The following ZEB2 variants were observed in gnomAD, a reference collection of about 807,000 sequenced individuals.
ZEB2 encodes the protein zinc finger E-box-binding homeobox 2.
ZEB2 carries 6 observed loss-of-function variants against 99.9 expected under a neutral mutation model. The ratio of observed to expected loss-of-function variants is 0.06; its 90% CI spans 0.03 to 0.12. The LOEUF is 0.12. Ranked by LOEUF, ZEB2 falls within the 10% of genes least tolerant of loss-of-function variation. The pLI, the probability that ZEB2 is intolerant of heterozygous loss-of-function variation, is 1.00. For synonymous variants in ZEB2, 517 were observed against 542.5 expected (o/e 0.95, Z 0.65); for missense variants, 969 against 1,502.8 (o/e 0.64, Z 5.87).
At chr2:144,395,087 T>C (rs1444961957) in intron 9 of ZEB2, among the ~76,000 whole-genome samples, 1 of 149,920 alleles carries the variant, frequency 6.7e-6, no homozygotes, top group African/African-American at 2.5e-5. Flanking sequence ...CATCGACCTC[T>C]TGGGCTCAAG....
intron 4 of ZEB2, among the ~76,000 whole-genome samples, chr2:144,411,150 G>A (rs370436057): frequency 2.6e-4 from 20 of 75,678 alleles, no homozygotes; most frequent in Admixed American, 6.1e-4. Flanking sequence ...ACACACACAC[G>A]CTTCCCCAGT....
chr2:144,424,044 G>C (rs575951305), intron 4 of ZEB2, among the ~76,000 whole-genome samples: 6 of 152,266 alleles, frequency 3.9e-5, no homozygotes, highest in Admixed American at 1.3e-4. Context: ...TCTAGGAAAA[G>C]AGAGATGGAA....
chr2:144,396,407 C>T lies in ZEB2; in HGVS notation c.3067+5G>A, dbSNP rs752526550. On this transcript the variant is annotated splice_donor_5th_base_variant and intron_variant, in intron 9 of 9. Transcript: ENST00000627532. ...CTCTAACCAGTTAGGCAAAGTCACT[C>T]ATACCTGTGTGTTCGTATTTATGTC... 1.2e-6 allele frequency: 2 copies of T among 1,612,934 alleles called. No individual in the cohort carries two copies. Among genetic ancestry groups the T allele is most frequent in the South Asian group, 1.1e-5 (1 of 91,022 alleles).
intron 2 of ZEB2, chr2:144,513,871 C>T: frequency 6.5e-7 from 1 of 1,529,938 alleles, no homozygotes; most frequent in Non-Finnish European, 8.8e-7. Flanking sequence ...TCTCCAGCGT[C>T]AGTGAAAGTG....
chr2:144,485,288 T>C (rs1704578057), intron 2 of ZEB2, among the ~76,000 whole-genome samples: 1 of 152,188 alleles, frequency 6.6e-6, no homozygotes, highest in Admixed American at 6.5e-5. Context: ...TAAATATAAA[T>C]GCCAGATTAT....
chr2:144,470,901 T>C (rs760021666), intron 2 of ZEB2, among the ~76,000 whole-genome samples: 2 of 152,190 alleles, frequency 1.3e-5, no homozygotes, highest in Non-Finnish European at 2.9e-5. Flanking sequence ...CATTTACTTA[T>C]TACCAAAGCC....
chr2:144,403,726 A>G (rs1317973047), intron 6 of ZEB2, among the ~76,000 whole-genome samples, 190 bp downstream of exon 6: 1 of 152,240 alleles, frequency 6.6e-6, no homozygotes, highest in Non-Finnish European at 1.5e-5. Context: ...TTCGATCGTG[A>G]ACATAAGACT....
At chr2:144,483,023 T>C (rs1487130000) in intron 2 of ZEB2, among the ~76,000 whole-genome samples, 1 of 152,012 alleles carries the variant, frequency 6.6e-6, no homozygotes, top group African/African-American at 2.4e-5. Flanking sequence ...TCATTCAACT[T>C]AGAAAACATT....
intron 2 of ZEB2, chr2:144,455,228 C>T (rs1301324283): frequency 6.6e-6 from 1 of 152,156 alleles, no homozygotes; most frequent in Non-Finnish European, 1.5e-5. Context: ...GGATTGCTAA[C>T]AACAAGCAGC....
At chr2:144,443,966 A>G (rs1284704981) in intron 2 of ZEB2, among the ~76,000 whole-genome samples, 3 of 152,238 alleles carry the variant, frequency 2.0e-5, no homozygotes, top group East Asian at 1.9e-4. Flanking sequence ...ATAAGTAACA[A>G]AATGCTTGAG....
intron 2 of ZEB2, chr2:144,512,443 A>G: frequency 1.6e-6 from 2 of 1,287,246 alleles, no homozygotes; most frequent in Non-Finnish European, 2.0e-6. Flanking sequence ...TATTCTTAAT[A>G]TGGCATCAAG....
At chr2:144,416,933 G>A (rs1047287649) in intron 4 of ZEB2, among the ~76,000 whole-genome samples, 9 of 152,158 alleles carry the variant, frequency 5.9e-5, no homozygotes, top group African/African-American at 1.4e-4. Context: ...CAAATAAAAC[G>A]TCTTAATCCA....
At chr2:144,490,456 A>T (rs137985252) in intron 2 of ZEB2, among the ~76,000 whole-genome samples, 159 of 152,278 alleles carry the variant, frequency 1.0e-3, no homozygotes, top group Middle Eastern at 6.8e-3. Flanking sequence ...TACCAACAGA[A>T]ATCTCTTGCA....
chr2:144,441,801 G>A (rs970790947), intron 2 of ZEB2, among the ~76,000 whole-genome samples: 3 of 152,174 alleles, frequency 2.0e-5, no homozygotes, highest in Non-Finnish European at 2.9e-5. Flanking sequence ...CCTAAAAAAA[G>A]GGAGCAGTTT....
In ZEB2 at chr2:144,399,507, A is replaced by G. The variant is rs776083226; in HGVS notation, c.1680T>C (p.Arg560=). ...CATCAGTGACCAAATCTATTAAAGTACGTAGCTTCTCTTTCTTTATATTAC... is the reference window on the plus strand; with the variant it reads ...CATCAGTGACCAAATCTATTAAAGTGCGTAGCTTCTCTTTCTTTATATTAC... ...QISNIKKEKL[R]TLIDLVTDDK... Residue 560 remains arginine, a synonymous_variant, in exon 8 of 10, where the codon CGT becomes CGC. Coordinates refer to ENST00000627532, the MANE Select transcript of ZEB2 (RefSeq NM_014795.4). The surrounding 1 kb of genome is among the most constrained non-coding windows in gnomAD (Gnocchi z 5.6). The G allele has an allele frequency of 6.2e-7, 1 of 1,614,210 alleles. No individual in the cohort carries two copies. The highest frequency in any genetic ancestry group is 1.7e-5 in the Admixed American group (1 of 60,030).
At position 144,418,119 on chromosome 2, in the gene ZEB2, TA is replaced by T. The variant is rs1573733950; in HGVS notation, c.403+6676del. Among the ~76,000 whole-genome samples the T allele has an allele frequency of 2.0e-5, 3 of 152,196 alleles. No homozygotes were observed. In the East Asian group the frequency reaches 5.8e-4, roughly 29 times the overall value. On this transcript the variant is annotated intron_variant, in intron 4 of 9. Transcript: ENST00000627532. ...ACACAGTTAAAGAAGGGATGCTACA[TA>T]AAAATGAAATCAGATATAAAACGAA... is the stretch of plus-strand genomic sequence containing the variant.
At chr2:144,436,634 A>G (rs549329284) in intron 2 of ZEB2, among the ~76,000 whole-genome samples, 70 of 152,274 alleles carry the variant, frequency 4.6e-4, no homozygotes, top group South Asian at 1.5e-3. Context: ...GAGGTTTTCA[A>G]ATTTCAGTAT....
At chr2:144,470,295 A>T (rs1704336229) in intron 2 of ZEB2, 1 of 152,212 alleles carries the variant, frequency 6.6e-6, no homozygotes, top group Non-Finnish European at 1.5e-5. Flanking sequence ...TGTTAGAGAC[A>T]CAGGTAGGAA....
Position 144,398,434 on chromosome 2 carries a change from G to T in ZEB2, c.2753C>A (p.Pro918His). 1.2e-6 allele frequency: 2 copies of T among 1,614,106 alleles called. No homozygotes were observed. Among genetic ancestry groups the T allele is most frequent in the Non-Finnish European group, 1.7e-6 (2 of 1,179,998 alleles). The change falls in exon 8 of 10, where the codon CCT becomes CAT. Residue 918 changes from proline to histidine, a missense_variant. Around this residue, in one of 8 missense-constraint regions of ZEB2, gnomAD observed 346 missense variants for 460.0 expected, o/e 0.75. Coordinates refer to ENST00000627532, the MANE Select transcript of ZEB2 (RefSeq NM_014795.4). ...TFMPPVQTSI[P>H]GLRPYPGLDQ... ...CAGTCCTGGGTATGGTCGTAGCCCAGGAATACTGGTCTGGACTGGTGGCAT... is the reference window on the plus strand; with the variant it reads ...CAGTCCTGGGTATGGTCGTAGCCCATGAATACTGGTCTGGACTGGTGGCAT...
Sources: allele counts gnomAD v4.1 joint callset (sites outside exome capture counted in the v4.1 genomes callset), GRCh38; gene constraint gnomAD v4.1.1; regional missense constraint gnomAD v4.1.1; non-coding constraint Gnocchi (gnomAD v3.1); transcripts MANE v1.5; gene names NCBI Gene and HGNC (gene_info 2026-07-23, HGNC 2026-07-21).